Variants in THSD7A observed in about 807,000 individuals in gnomAD.
THSD7A encodes the protein thrombospondin type 1 domain containing 7A.
Under a neutral mutation model 231.3 loss-of-function variants are expected in THSD7A, and 96 were observed. That is an observed-to-expected ratio of 0.41 (90% CI 0.35 to 0.49). THSD7A has a LOEUF of 0.49. Among genes scored for constraint, THSD7A ranks in the 20% least tolerant of loss-of-function variants. The pLI is 0.05. For missense variants in THSD7A, 2,290 were observed against 2,070.2 expected (o/e 1.11, Z -2.06); for synonymous variants, 940 against 743.3 (o/e 1.26, Z -4.30).
At chr7:11,712,660 T>A (rs1365342877) in intron 1 of THSD7A, among the ~76,000 whole-genome samples, 1 of 151,140 alleles carries the variant, frequency 6.6e-6, no homozygotes, top group East Asian at 2.0e-4. Context: ...AATCTCAGAT[T>A]TGTTGCCTCA....
intron 1 of THSD7A, among the ~76,000 whole-genome samples, chr7:11,690,790 C>A (rs1780208527): frequency 6.6e-6 from 1 of 151,654 alleles, no homozygotes; most frequent in African/African-American, 2.4e-5. Flanking sequence ...TTTATTTATG[C>A]TAATAATATG....
At chr7:11,445,594 G>GTTGCCATC (rs1167398335) in intron 13 of THSD7A, among the ~76,000 whole-genome samples, 2 of 151,864 alleles carry the variant, frequency 1.3e-5, no homozygotes, top group African/African-American at 2.4e-5. Context: ...CCAGTTACTA[G>GTTGCCATC]TTGCCATCTT....
intron 1 of THSD7A, among the ~76,000 whole-genome samples, chr7:11,655,096 C>T (rs553106780): frequency 4.6e-5 from 7 of 151,958 alleles, no homozygotes; most frequent in East Asian, 2.0e-4. Flanking sequence ...GACTTCTCAG[C>T]TTAGCAGTCT....
intron 9 of THSD7A, 51 bp from the exon 10 acceptor site, chr7:11,462,194 C>A: frequency 3.1e-6 from 5 of 1,590,354 alleles, no homozygotes; most frequent in Non-Finnish European, 4.3e-6. Context: ...ATGAGATAAT[C>A]TCTAAATACC....
intron 4 of THSD7A, among the ~76,000 whole-genome samples, chr7:11,589,410 C>A (rs905497977): frequency 1.4e-4 from 22 of 152,186 alleles, no homozygotes; most frequent in African/African-American, 5.3e-4. Flanking sequence ...TCTTGCCATG[C>A]TTCCCTGCAA....
At chr7:11,597,814 C>T (rs534519179) in intron 2 of THSD7A, among the ~76,000 whole-genome samples, 14 of 152,272 alleles carry the variant, frequency 9.2e-5, no homozygotes, top group Admixed American at 5.2e-4. Flanking sequence ...TAAATGTGAT[C>T]AGGCTAGAAC....
At chr7:11,735,071 G>A (rs894365507) in intron 1 of THSD7A, among the ~76,000 whole-genome samples, 2 of 151,834 alleles carry the variant, frequency 1.3e-5, no homozygotes, top group African/African-American at 4.8e-5. Context: ...TTTCTGAAAT[G>A]CCTTCTAACT....
chr7:11,407,272 CA>C, intron 20 of THSD7A, 33 bp downstream of exon 20: 1 of 1,547,108 alleles, frequency 6.5e-7, no homozygotes, highest in Non-Finnish European at 8.9e-7. Context: ...ATTCCTTGAC[CA>C]GTAGCCTAAT....
intron 4 of THSD7A, among the ~76,000 whole-genome samples, chr7:11,554,156 A>G (rs896872366): frequency 1.3e-5 from 2 of 152,110 alleles, no homozygotes; most frequent in East Asian, 3.9e-4. Flanking sequence ...TGCAAACTTA[A>G]TGTCTACCAG....
chr7:11,665,685 G>A (rs994601074), intron 1 of THSD7A, among the ~76,000 whole-genome samples: 8 of 152,020 alleles, frequency 5.3e-5, no homozygotes, highest in Non-Finnish European at 1.2e-4. Flanking sequence ...ATAAAAGCAC[G>A]GTCTTGGACA....
At chr7:11,476,977 C>T (rs1240167412) in intron 7 of THSD7A, among the ~76,000 whole-genome samples, 2 of 152,116 alleles carry the variant, frequency 1.3e-5, no homozygotes, top group South Asian at 2.1e-4. Context: ...CGATGTCCAT[C>T]ACCCTAACTA....
intron 24 of THSD7A, among the ~76,000 whole-genome samples, chr7:11,381,159 G>A (rs1365035773): frequency 6.6e-6 from 1 of 152,114 alleles, no homozygotes; most frequent in African/African-American, 2.4e-5. Flanking sequence ...CAGAAAGCCT[G>A]TCTATCCCTC....
At chr7:11,551,205 A>G (rs1449677083) in intron 4 of THSD7A, among the ~76,000 whole-genome samples, 8 of 152,194 alleles carry the variant, frequency 5.3e-5, no homozygotes, top group Admixed American at 2.6e-4. Context: ...AAGATGGAGT[A>G]AAGACTTAAA....
chr7:11,793,659 G>A (rs55668447), intron 1 of THSD7A, among the ~76,000 whole-genome samples: 29,565 of 151,494 alleles, frequency 0.2, 3,109 homozygotes, highest in African/African-American at 0.27. Context: ...GAAATAAGAA[G>A]ATACTTTTTA....
intron 6 of THSD7A, among the ~76,000 whole-genome samples, chr7:11,510,770 T>A (rs2128313315): frequency 6.6e-6 from 1 of 152,304 alleles, no homozygotes; most frequent in African/African-American, 2.4e-5. Flanking sequence ...TGATGGAACG[T>A]ATCTCAAAAT....
chr7:11,409,877 G>A (rs1247509406), intron 19 of THSD7A, among the ~76,000 whole-genome samples: 1 of 151,998 alleles, frequency 6.6e-6, no homozygotes, highest in African/African-American at 2.4e-5. Context: ...TGAGTAGCTG[G>A]GATTACAGGC....
chr7:11,543,710 G>A (rs950734681), intron 4 of THSD7A, among the ~76,000 whole-genome samples: 1 of 152,166 alleles, frequency 6.6e-6, no homozygotes, highest in Admixed American at 6.5e-5. Flanking sequence ...ATCTGCATAT[G>A]TGACACAAAT....
At chr7:11,529,567 C>G (rs896701473) in intron 6 of THSD7A, among the ~76,000 whole-genome samples, 3 of 150,718 alleles carry the variant, frequency 2.0e-5, no homozygotes, top group African/African-American at 7.4e-5. Flanking sequence ...TTGACAAGAG[C>G]TGATGGTTTT....
intron 1 of THSD7A, among the ~76,000 whole-genome samples, chr7:11,640,116 G>A (rs984418725): frequency 6.6e-6 from 1 of 152,054 alleles, no homozygotes; most frequent in Non-Finnish European, 1.5e-5. Context: ...TCACACTTTC[G>A]GTTAGTAGAA....
Sources: allele counts gnomAD v4.1 joint callset (sites outside exome capture counted in the v4.1 genomes callset), GRCh38; gene constraint gnomAD v4.1.1; transcripts MANE v1.5; gene names NCBI Gene and HGNC (gene_info 2026-07-23, HGNC 2026-07-21).